Variants in PCDHGB5 observed in about 807,000 individuals in gnomAD.
The protein encoded by PCDHGB5 is protocadherin gamma subfamily B, 5.
Under a neutral mutation model 62.9 loss-of-function variants are expected in PCDHGB5, and 48 were observed. The ratio of observed to expected loss-of-function variants is 0.76; its 90% CI spans 0.61 to 0.97. PCDHGB5 has a LOEUF of 0.97. Among genes scored for constraint, PCDHGB5 ranks in the 50% least tolerant of loss-of-function variants. The probability of loss-of-function intolerance (pLI) is 0.00; values close to 1 mark genes in which losing one functional copy is unlikely to be tolerated. For synonymous variants in PCDHGB5, 474 were observed against 511.2 expected (o/e 0.93, Z 0.98); for missense variants, 1,118 against 1,198.6 (o/e 0.93, Z 0.99).
chr5:141,491,327 T>C lies in PCDHGB5; in HGVS notation c.2398-3480T>C, dbSNP rs1422115943. ...TCAGACCTTACCCTTTACCTCATTG[T>C]GGCTCTAGCGACCGTCAGTCTCTTA... is the stretch of plus-strand genomic sequence containing the variant. On this transcript the variant is annotated intron_variant, in intron 1 of 3. Coordinates refer to ENST00000617380, the MANE Select transcript of PCDHGB5 (RefSeq NM_018925.3). This position sits in a 1 kb window ranked among gnomAD's most constrained non-coding sequence, Gnocchi z 6.9. 5.6e-6 allele frequency: 9 copies of C among 1,614,098 alleles called. No homozygotes were observed. Among genetic ancestry groups the C allele is most frequent in the Admixed American group, 3.3e-5 (2 of 60,006 alleles).
rs62378448 is a variant in PCDHGB5, at chr5:141,400,064, G to C, written c.1937G>C (p.Gly646Ala). Residue 646 changes from glycine (G) to alanine (A), a missense_variant, in exon 1 of 4, where the codon GGA becomes GCA. By Grantham distance (60) the Gly-to-Ala change is moderately conservative. Transcript: ENST00000617380. ...CTGCTGGTTGCTGTGCGTGATGGTG[G>C]ACAGCCGCCACTCTCCGCCACCGCC... The part of the protein sequence containing the change: ...QRLLVAVRDG[G>A]QPPLSATATL... The C allele has an allele frequency of 7.6e-4, 1,225 of 1,613,770 alleles. No homozygotes were observed. The highest frequency in any genetic ancestry group is 9.7e-4 in the Non-Finnish European group (1,150 of 1,179,858).
At position 141,430,969 on chromosome 5, in the gene PCDHGB5, T is replaced by C. The variant is rs560722324; in HGVS notation, c.2397+30445T>C. The C allele has an allele frequency of 1.5e-4, 246 of 1,613,012 alleles. 3 individuals carry two copies. The South Asian group carries it at 2.6e-3, about 17-fold the overall frequency. The stretch of plus-strand genomic sequence containing the variant: ...GCGGAGTCCGCATCATCCCCAGAGG[T>C]AGGACGCAGCTTTTCGCCCTGAATC... On this transcript the variant is annotated intron_variant, in intron 1 of 3. Transcript: ENST00000617380.
At chr5:141,446,339 G>A (rs1455819111) in intron 1 of PCDHGB5, among the ~76,000 whole-genome samples, 1 of 152,164 alleles carries the variant, frequency 6.6e-6, no homozygotes, top group Non-Finnish European at 1.5e-5. Flanking sequence ...GAACTGGATG[G>A]ACAAAGCTAC....
rs183952562 is a variant in PCDHGB5 at position 141,423,399 on chromosome 5, C to A, written c.2397+22875C>A. On this transcript the variant is annotated intron_variant, in intron 1 of 3. Transcript: ENST00000617380. ...GGCTGTGGCGCTGGCATAAGTCACG[C>A]CTGCTGCAGGCTTCTGAAGGCGGGT... 3.5e-5 allele frequency: 56 copies of A among 1,614,150 alleles called. No homozygotes were observed. The East Asian group carries it at 1.1e-3, about 33-fold the overall frequency.
chr5:141,506,870 G>A (rs2099856877), intron 3 of PCDHGB5, among the ~76,000 whole-genome samples: 1 of 152,166 alleles, frequency 6.6e-6, no homozygotes, highest in East Asian at 1.9e-4. Flanking sequence ...GGTGGGTAGA[G>A]AACCAGGTGA....
chr5:141,409,906 T>G (rs779572711), intron 1 of PCDHGB5: 2 of 1,613,096 alleles, frequency 1.2e-6, no homozygotes, highest in African/African-American at 2.7e-5. Flanking sequence ...CAGCTCTGGG[T>G]CCTGACGGCT....
chr5:141,417,001 ATAAT>A (rs2096073629), intron 1 of PCDHGB5: 2 of 150,812 alleles, frequency 1.3e-5, no homozygotes, highest in Non-Finnish European at 1.5e-5. Flanking sequence ...TTCATCTCAA[ATAAT>A]TCTATTATTT....
rs1407016089 is a variant in PCDHGB5 at position 141,489,914 on chromosome 5, C to T, written c.2398-4893C>T. On this transcript the variant is annotated intron_variant, in intron 1 of 3. Coordinates refer to ENST00000617380, the MANE Select transcript of PCDHGB5 (RefSeq NM_018925.3). The surrounding 1 kb of genome is among the most constrained non-coding windows in gnomAD (Gnocchi z 4.5). Reference sequence around the variant, plus strand: ...GGGGGGACCCCAGCCCGCTCAGGGACCACCCTTATCTCTGTCATCGTGCTG... The same window carrying T: ...GGGGGGACCCCAGCCCGCTCAGGGATCACCCTTATCTCTGTCATCGTGCTG... 3 of 1,614,094 alleles carry T rather than the reference C, an allele frequency of 1.9e-6. No individual in the cohort carries two copies. Among genetic ancestry groups the T allele is most frequent in the African/African-American group, 2.7e-5 (2 of 74,936 alleles).
intron 1 of PCDHGB5, among the ~76,000 whole-genome samples, chr5:141,473,873 C>CA (rs1471085914): frequency 2.6e-5 from 4 of 152,130 alleles, no homozygotes; most frequent in African/African-American, 7.2e-5. Flanking sequence ...GTGGAGAATG[C>CA]ATACACAAGG....
In PCDHGB5 at chr5:141,486,049, C is replaced by T. The variant is rs766853468; in HGVS notation, c.2398-8758C>T. 1 of 1,614,206 alleles carries T rather than the reference C, an allele frequency of 6.2e-7. No homozygotes were observed. The highest frequency in any genetic ancestry group is 8.5e-7 in the Non-Finnish European group (1 of 1,180,034). ...ATACCCCTGATCGTGTAAGAAACCT[C>T]TTTAGCCTGCACCCCACTACTGGAA... On this transcript the variant is annotated intron_variant, in intron 1 of 3. Transcript: ENST00000617380. The surrounding 1 kb of genome is among the most constrained non-coding windows in gnomAD (Gnocchi z 5.0).
intron 1 of PCDHGB5, among the ~76,000 whole-genome samples, chr5:141,444,062 A>G (rs1335403906): frequency 6.7e-6 from 1 of 149,402 alleles, no homozygotes; most frequent in African/African-American, 2.5e-5. Context: ...TTCAATCTAG[A>G]TTCTGATGCT....
chr5:141,418,670 G>T (rs767728571), intron 1 of PCDHGB5: 2 of 1,614,042 alleles, frequency 1.2e-6, no homozygotes, highest in Non-Finnish European at 1.7e-6. Context: ...TGACCAGGAC[G>T]AGGGCATCAA....
chr5:141,489,290 G>A lies in PCDHGB5; in HGVS notation c.2398-5517G>A. 6.3e-7 allele frequency: 1 copy of A among 1,577,514 alleles called. No individual in the cohort carries two copies. The highest frequency in any genetic ancestry group is 8.6e-7 in the Non-Finnish European group (1 of 1,162,002). ...CTCGCTGGGAAATGGCAAGTGCTGT[G>A]CATGTTGTCCTTGTGCTGCTGGGGC... On this transcript the variant is annotated intron_variant, in intron 1 of 3. Transcript: ENST00000617380. This position sits in a 1 kb window ranked among gnomAD's most constrained non-coding sequence, Gnocchi z 4.5.
intron 1 of PCDHGB5, among the ~76,000 whole-genome samples, chr5:141,454,195 T>C (rs1295815862): frequency 6.6e-6 from 1 of 152,136 alleles, no homozygotes; most frequent in Admixed American, 6.6e-5. Context: ...TTAGTGAAGG[T>C]GAATTTATTG....
intron 1 of PCDHGB5, chr5:141,428,330 T>C: frequency 1.6e-6 from 1 of 628,558 alleles, no homozygotes; most frequent in Non-Finnish European, 2.9e-6. Flanking sequence ...TTGATTTCTA[T>C]GCTCTTCTTC....
chr5:141,488,312 A>G lies in PCDHGB5; in HGVS notation c.2398-6495A>G, dbSNP rs952247975. 7.9e-5 allele frequency among the ~76,000 whole-genome samples: 12 copies of G among 152,286 alleles called. 1 individual carries two copies. Among genetic ancestry groups the G allele is most frequent in the African/African-American group, 2.9e-4 (12 of 41,558 alleles). On this transcript the variant is annotated intron_variant, in intron 1 of 3. Coordinates refer to ENST00000617380, the MANE Select transcript of PCDHGB5 (RefSeq NM_018925.3). ...AGTAAGTGAAATCACTTATGTCAGA[A>G]AACTGGTTTACAGTTGGCTGATTCA...
chr5:141,414,776 T>G (rs766689016), intron 1 of PCDHGB5: 14 of 1,614,212 alleles, frequency 8.7e-6, no homozygotes, highest in Non-Finnish European at 1.1e-5. Context: ...GAGCTACAGA[T>G]GCAGGTGACA....
rs771939823 is a variant in PCDHGB5, at chr5:141,399,207, A to T, written c.1080A>T (p.Thr360=). The T allele has an allele frequency of 1.2e-6, 2 of 1,613,992 alleles. No individual in the cohort carries two copies. Among genetic ancestry groups the T allele is most frequent in the South Asian group, 2.2e-5 (2 of 91,084 alleles). The change falls in exon 1 of 4, where the codon ACA becomes ACT. Residue 360 remains threonine, a synonymous_variant. Transcript: ENST00000617380. ...TTCTGGAAAACGCGGTGCCTGGAAC[A>T]CTAATTGCTTTGATCAAAATACATG... The part of the protein sequence containing the change: ...EMILENAVPG[T]LIALIKIHDQ...
intron 1 of PCDHGB5, chr5:141,418,309 G>A (rs756375907): frequency 6.2e-7 from 1 of 1,614,008 alleles, no homozygotes; most frequent in South Asian, 1.1e-5. Flanking sequence ...GCCTGGGGAT[G>A]GGAACAATTC....
Sources: gnomAD v4.1 joint callset for allele counts (sites outside exome capture counted in the v4.1 genomes callset) on GRCh38, gnomAD v4.1.1 for gene constraint, Gnocchi (gnomAD v3.1) non-coding constraint, MANE v1.5 for transcripts, NCBI Gene and HGNC (gene_info 2026-07-23, HGNC 2026-07-21) for gene names.